The following ZNF626 variants were observed in gnomAD, a reference collection of about 807,000 sequenced individuals.
ZNF626 encodes the protein zinc finger protein 626.
Under a neutral mutation model 11.7 loss-of-function variants are expected in ZNF626, and 4 were observed. That is an observed-to-expected ratio of 0.34 (90% CI 0.17 to 0.78). The LOEUF is 0.78. Among genes scored for constraint, ZNF626 ranks in the 30% least tolerant of loss-of-function variants. The pLI is 0.57. For synonymous variants in ZNF626, 179 were observed against 198.6 expected, an observed-to-expected ratio of 0.90 and a Z score of 0.83; for missense variants, 588 against 587.1, an observed-to-expected ratio of 1.00 and a Z score of -0.01.
In ZNF626 at chr19:20,624,354, GAATTT is replaced by G; in HGVS notation, c.1518_1522del (p.Arg506SerfsTer90). The G allele has an allele frequency of 1.1e-5, 16 of 1,431,702 alleles. 2 individuals are homozygous for G. Among genetic ancestry groups the G allele is most frequent in the South Asian group, 3.9e-5 (3 of 77,122 alleles). 88.7% of individuals were successfully genotyped at this position (1,431,702 alleles called of 1,614,324 possible). On this transcript the variant is annotated frameshift_variant, in exon 4 of 4. Transcript: ENST00000601440. LOFTEE classifies it low-confidence loss of function (END_TRUNC). The stretch of plus-strand genomic sequence containing the variant: ...CTTTGCCACATTCTTCACATTTGTA[GAATTT>G]CTCTCCAGTATGATTCTCTCATGTG...
At chr19:20,645,571 C>T (rs1401395579) in intron 3 of ZNF626, 113 bp downstream of exon 3, 2 of 1,554,760 alleles carry the variant, frequency 1.3e-6, no homozygotes, top group Non-Finnish European at 1.7e-6. Context: ...TGCCCAAGAA[C>T]TATTTCCTTT....
chr19:20,656,498 AAAC>A (rs2144795555), intron 1 of ZNF626, among the ~76,000 whole-genome samples: 1 of 152,318 alleles, frequency 6.6e-6, no homozygotes, highest in African/African-American at 2.4e-5. Flanking sequence ...TAGCTCAAAC[AAAC>A]AACCTACAGA....
chr19:20,649,157 G>T (rs8104794), intron 1 of ZNF626, among the ~76,000 whole-genome samples: 14,296 of 151,974 alleles, frequency 0.094, 726 homozygotes, highest in South Asian at 0.14. Flanking sequence ...TCTCAGATGA[G>T]ATTCTCTAGA....
chr19:20,628,855 C>A (rs1969870461), intron 3 of ZNF626, among the ~76,000 whole-genome samples: 1 of 152,162 alleles, frequency 6.6e-6, no homozygotes, highest in African/African-American at 2.4e-5. Flanking sequence ...GAAGCCCTTG[C>A]CCATGCCTAT....
At chr19:20,645,330 C>T in intron 3 of ZNF626, 7 of 1,557,574 alleles carry the variant, frequency 4.5e-6, no homozygotes, top group Non-Finnish European at 6.0e-6. Context: ...ATTTTAGTTT[C>T]TCAAAATCAT....
At chr19:20,648,374 CTTCTTCT>C (rs377355429) in intron 1 of ZNF626, among the ~76,000 whole-genome samples, 13,351 of 148,116 alleles carry the variant, frequency 0.09, 640 homozygotes, top group South Asian at 0.14. Context: ...TCTTCTTCTT[CTTCTTCT>C]TTTTTTTTTT....
At position 20,621,474 on chromosome 19, in the gene ZNF626, T is replaced by C. The variant is rs1453116698; in HGVS notation, c.*2816A>G. ...TTTATTATGACCATAAAAATCACCC[T>C]GTAGTCAATTACAATTTAATTGGAC... On this transcript the variant is annotated 3_prime_UTR_variant, in exon 4 of 4. Transcript: ENST00000601440. 6.6e-6 allele frequency: 1 copy of C among 152,176 alleles called. No homozygotes were observed. The highest frequency in any genetic ancestry group is 2.4e-5 in the African/African-American group (1 of 41,442). 9.4% of individuals were successfully genotyped at this position (152,176 alleles called of 1,614,324 possible).
chr19:20,626,371 T>C (rs1301080379), intron 3 of ZNF626, among the ~76,000 whole-genome samples: 6 of 152,306 alleles, frequency 3.9e-5, no homozygotes, highest in East Asian at 3.9e-4. Context: ...CAAAAAGTTA[T>C]AAAATTTTTA....
In ZNF626 at chr19:20,625,279, G is replaced by T. The variant is rs782476846; in HGVS notation, c.598C>A (p.Pro200Thr). The change falls in exon 4 of 4, where the codon CCC becomes ACC. Residue 200 changes from proline (P) to threonine (T), a missense_variant. By Grantham distance (38) the Pro-to-Thr change is conservative (BLOSUM62 -1). Around this residue, in one of 4 missense-constraint regions of ZNF626, gnomAD observed 524 missense variants for 470.1 expected, o/e 1.11. Coordinates refer to ENST00000601440, the MANE Select transcript of ZNF626 (RefSeq NM_001076675.3). ...THKKIHTGGKPYKCEECGKAF... is the reference protein window; with the variant it reads ...THKKIHTGGKTYKCEECGKAF... ...TTGCCACATTCTTCACATTTGTAGG[G>T]TTTCCCTCCAGTATGAATTTTCTTA... 1.9e-6 allele frequency: 3 copies of T among 1,613,916 alleles called. No homozygotes were observed. The highest frequency in any genetic ancestry group is 2.5e-6 in the Non-Finnish European group (3 of 1,179,986).
intron 1 of ZNF626, among the ~76,000 whole-genome samples, chr19:20,652,261 G>C (rs1555772636): frequency 6.7e-6 from 1 of 149,110 alleles, no homozygotes; most frequent in African/African-American, 2.5e-5. Flanking sequence ...CCCCCCCATA[G>C]AGGCTGCTCT....
chr19:20,626,153 C>T (rs781924914), intron 3 of ZNF626, among the ~76,000 whole-genome samples: 13 of 152,112 alleles, frequency 8.5e-5, no homozygotes, highest in Admixed American at 2.0e-4. Context: ...ATCCCAGCTA[C>T]TCAGAAGGCT....
chr19:20,626,763 G>A (rs193085733), intron 3 of ZNF626, among the ~76,000 whole-genome samples: 50 of 152,014 alleles, frequency 3.3e-4, no homozygotes, highest in South Asian at 4.2e-4. Context: ...GCCTGTAATC[G>A]CAGCAACTTA....
intron 3 of ZNF626, among the ~76,000 whole-genome samples, chr19:20,631,349 G>C (rs143275686): frequency 0.015 from 2,253 of 152,212 alleles, 22 homozygotes; most frequent in Non-Finnish European, 0.026. Context: ...CTGTCTCGTT[G>C]ATCTGTCTAA....
At chr19:20,627,938 C>T (rs374267508) in intron 3 of ZNF626, among the ~76,000 whole-genome samples, 6 of 152,162 alleles carry the variant, frequency 3.9e-5, no homozygotes, top group East Asian at 1.9e-4. Context: ...CTGCCCCTGA[C>T]GCCACAACAG....
intron 3 of ZNF626, chr19:20,645,437 G>A (rs1555771807): frequency 6.2e-7 from 1 of 1,611,708 alleles, no homozygotes; most frequent in East Asian, 2.2e-5. Flanking sequence ...CTGTGAACTT[G>A]AAGGAAGCTC....
In ZNF626 at chr19:20,623,964, T is replaced by A. The variant is rs1316771289; in HGVS notation, c.*326A>T. The A allele has an allele frequency of 1.5e-5, 7 of 473,750 alleles. No homozygotes were observed. The highest frequency in any genetic ancestry group is 4.3e-5 in the East Asian group (1 of 23,028). 29.3% of individuals were successfully genotyped at this position (473,750 alleles called of 1,614,324 possible). ...TAGAGTTTATATTTCATATCAATTC[T>A]TAGTTAGAAATTGAGGGCTGGTTAA... On this transcript the variant is annotated 3_prime_UTR_variant, in exon 4 of 4. Transcript: ENST00000601440.
chr19:20,640,202 T>A (rs868978389), intron 3 of ZNF626, among the ~76,000 whole-genome samples: 3 of 36,172 alleles, frequency 8.3e-5, no homozygotes, highest in Non-Finnish European at 8.2e-5. Context: ...ATATTTTAAT[T>A]TTTTAATATT....
intron 1 of ZNF626, among the ~76,000 whole-genome samples, chr19:20,658,761 C>T (rs937344604): frequency 3.9e-5 from 6 of 152,120 alleles, no homozygotes; most frequent in African/African-American, 4.8e-5. Context: ...CACCTAGAGA[C>T]AGCACAGACC....
intron 3 of ZNF626, among the ~76,000 whole-genome samples, chr19:20,632,470 G>A (rs577758725): frequency 1.3e-5 from 2 of 152,150 alleles, no homozygotes; most frequent in Admixed American, 1.3e-4. Context: ...CATATTTCTT[G>A]GAGGCTTTGT....
Sources: gnomAD v4.1 joint callset for allele counts (sites outside exome capture counted in the v4.1 genomes callset) on GRCh38, gnomAD v4.1.1 for gene constraint, gnomAD v4.1.1 regional missense constraint, MANE v1.5 for transcripts, NCBI Gene and HGNC (gene_info 2026-07-23, HGNC 2026-07-21) for gene names.